SFMBT2: variants seen among roughly 807,000 people sequenced by gnomAD.
The protein encoded by SFMBT2 is scm-like with four MBT domains protein 2.
In SFMBT2, 38 loss-of-function variants were observed where a neutral mutation model predicts 110.1. The observed-to-expected ratio is 0.35, with a 90% CI of 0.27 to 0.45. SFMBT2 has a LOEUF of 0.45. SFMBT2 is among the 20% of genes least tolerant of loss of function. The pLI is 1.00. For missense variants in SFMBT2, 1,011 were observed against 1,094.9 expected, an observed-to-expected ratio of 0.92 and a Z score of 1.08; for synonymous variants, 425 against 425.4, an observed-to-expected ratio of 1.00 and a Z score of 0.01.
intron 4 of SFMBT2, among the ~76,000 whole-genome samples, chr10:7,286,623 T>C (rs1390327334): frequency 6.6e-6 from 1 of 152,232 alleles, no homozygotes; most frequent in East Asian, 1.9e-4. Flanking sequence ...AGTATCTACA[T>C]TGTAGTAGGT....
chr10:7,214,466 A>T lies in SFMBT2; in HGVS notation c.1330+5945T>A, dbSNP rs896223613. 11 of 727,998 alleles carry T rather than the reference A, an allele frequency of 1.5e-5. No individual in the cohort carries two copies. In the African/African-American group the frequency reaches 2.1e-4, roughly 14 times the overall value. The allele number at this position is 727,998 out of a possible 1,614,324, so 45.1% of individuals were successfully genotyped here. A position where few individuals can be genotyped will look rare whatever the true frequency, so the allele number is the denominator to read the frequency against. ...TGGGAAGATGCCACCGGACAATTGCAGAGTGACGCATTTCTTAAGATGGGC... is the reference window on the plus strand; with the variant it reads ...TGGGAAGATGCCACCGGACAATTGCTGAGTGACGCATTTCTTAAGATGGGC... On this transcript the variant is annotated intron_variant, in intron 11 of 20. Coordinates refer to ENST00000397167, the MANE Select transcript of SFMBT2 (RefSeq NM_001387889.1).
At chr10:7,295,842 G>T (rs1325331106) in intron 4 of SFMBT2, among the ~76,000 whole-genome samples, 1 of 152,092 alleles carries the variant, frequency 6.6e-6, no homozygotes, top group Non-Finnish European at 1.5e-5. Context: ...CACCAATACT[G>T]TTCATTTCAG....
intron 4 of SFMBT2, among the ~76,000 whole-genome samples, chr10:7,303,486 C>T (rs1419737005): frequency 6.6e-6 from 1 of 151,464 alleles, no homozygotes; most frequent in East Asian, 1.9e-4. Context: ...TAATCCGAGA[C>T]TAAAAAGAGA....
intron 4 of SFMBT2, among the ~76,000 whole-genome samples, chr10:7,339,191 G>T (rs1164304353): frequency 2.0e-5 from 3 of 152,130 alleles, no homozygotes; most frequent in Non-Finnish European, 2.9e-5. Flanking sequence ...AGTGAGCAGA[G>T]ATCACGCCAC....
chr10:7,254,447 T>A (rs150203147), intron 7 of SFMBT2, among the ~76,000 whole-genome samples: 1 of 152,242 alleles, frequency 6.6e-6, no homozygotes, highest in East Asian at 1.9e-4. Flanking sequence ...AAACCAAGTA[T>A]CACTACGATC....
intron 4 of SFMBT2, among the ~76,000 whole-genome samples, chr10:7,341,991 T>G (rs940021532): frequency 1.3e-5 from 2 of 152,166 alleles, no homozygotes; most frequent in Non-Finnish European, 2.9e-5. Flanking sequence ...AGTTTTTAGT[T>G]GAGTGTGCCA....
At chr10:7,167,372 T>G (rs1837724731) in intron 20 of SFMBT2, among the ~76,000 whole-genome samples, 1 of 152,210 alleles carries the variant, frequency 6.6e-6, no homozygotes, top group Non-Finnish European at 1.5e-5. Context: ...ATAGATTTTT[T>G]AAGCGGTTGC....
chr10:7,351,909 G>A (rs1243306873), intron 4 of SFMBT2, among the ~76,000 whole-genome samples: 1 of 151,538 alleles, frequency 6.6e-6, no homozygotes, highest in Non-Finnish European at 1.5e-5. Flanking sequence ...GATGAGGAGG[G>A]AACTTTCCAC....
At chr10:7,209,381 T>C (rs1839260180) in intron 11 of SFMBT2, among the ~76,000 whole-genome samples, 1 of 152,268 alleles carries the variant, frequency 6.6e-6, no homozygotes, top group Admixed American at 6.5e-5. Context: ...TTCAATCTCT[T>C]GACTTTGGCT....
At chr10:7,252,102 G>A (rs1025317463) in intron 7 of SFMBT2, among the ~76,000 whole-genome samples, 4 of 152,090 alleles carry the variant, frequency 2.6e-5, no homozygotes, top group African/African-American at 7.2e-5. Context: ...TTTCTACATC[G>A]CAGGCCCTCA....
intron 11 of SFMBT2, among the ~76,000 whole-genome samples, chr10:7,213,439 C>A (rs143572428): frequency 0.016 from 2,449 of 152,030 alleles, 32 homozygotes; most frequent in Admixed American, 0.021. Context: ...AGGCGGAGGT[C>A]CGGACTGAAG....
At chr10:7,177,476 G>C (rs1838102995) in intron 16 of SFMBT2, among the ~76,000 whole-genome samples, 1 of 152,072 alleles carries the variant, frequency 6.6e-6, no homozygotes, top group South Asian at 2.1e-4. Flanking sequence ...ACCCCCGATA[G>C]GACTGTAATT....
At chr10:7,387,701 C>T (rs1221476033) in intron 1 of SFMBT2, among the ~76,000 whole-genome samples, 1 of 150,270 alleles carries the variant, frequency 6.7e-6, no homozygotes, top group Non-Finnish European at 1.5e-5. Flanking sequence ...GAGGCTGAAG[C>T]GGGCAGATCA....
chr10:7,317,292 T>A (rs1212976086), intron 4 of SFMBT2, among the ~76,000 whole-genome samples: 1 of 151,320 alleles, frequency 6.6e-6, no homozygotes, highest in Non-Finnish European at 1.5e-5. Flanking sequence ...AAAAAAAAAA[T>A]CCTACAGAAT....
Position 7,310,922 on chromosome 10 carries a change from C to T in SFMBT2, c.437-24968G>A, listed in dbSNP as rs181850141. ...ATTAACTGGGCATGGTGGCGGACGC[C>T]TGTAATCCCAGCTACTCAGGAGGCT... On this transcript the variant is annotated intron_variant, in intron 4 of 20. Transcript: ENST00000397167. Among the ~76,000 whole-genome samples the T allele has an allele frequency of 2.4e-3, 358 of 152,036 alleles. 1 individual carries two copies. Among genetic ancestry groups the T allele is most frequent in the African/African-American group, 8.3e-3 (345 of 41,482 alleles).
intron 1 of SFMBT2, among the ~76,000 whole-genome samples, chr10:7,386,522 T>C (rs997091270): frequency 1.4e-4 from 21 of 151,818 alleles, no homozygotes; most frequent in Admixed American, 1.4e-3. Flanking sequence ...GCACAAGAAT[T>C]GCTTGAACCC....
At position 7,176,641 on chromosome 10, in the gene SFMBT2, A is replaced by G. The variant is rs1345707933; in HGVS notation, c.1809-476T>C. On this transcript the variant is annotated intron_variant, in intron 16 of 20. Transcript: ENST00000397167. ...TATCTTTGTCAAGACTGTGTATCAT[A>G]TTGTTGAAATGGGGACGATTTCCAT... The G allele has an allele frequency of 1.2e-5, 4 of 333,300 alleles. No homozygotes were observed. The East Asian group carries it at 5.1e-4, about 42-fold the overall frequency. The allele number at this position is 333,300 out of a possible 1,614,324, so 20.6% of individuals were successfully genotyped here.
At chr10:7,168,886 TC>T (rs1234440479) in intron 20 of SFMBT2, among the ~76,000 whole-genome samples, 2 of 152,190 alleles carry the variant, frequency 1.3e-5, no homozygotes, top group Admixed American at 6.5e-5. Context: ...TTCAGAGTTG[TC>T]CAGACAGGAA....
At chr10:7,179,815 T>C (rs1838192762) in intron 16 of SFMBT2, among the ~76,000 whole-genome samples, 1 of 152,212 alleles carries the variant, frequency 6.6e-6, no homozygotes, top group South Asian at 2.1e-4. Flanking sequence ...TCTTCCTAGT[T>C]TGGGATGATT....
Sources: allele counts gnomAD v4.1 joint callset (sites outside exome capture counted in the v4.1 genomes callset), GRCh38; gene constraint gnomAD v4.1.1; transcripts MANE v1.5; gene names NCBI Gene and HGNC (gene_info 2026-07-23, HGNC 2026-07-21).